KAZN: variants seen among roughly 807,000 people sequenced by gnomAD.
KAZN encodes kazrin, periplakin interacting protein.
In KAZN, 40 loss-of-function variants were observed where a neutral mutation model predicts 87.4. The ratio of observed to expected loss-of-function variants is 0.46; its 90% confidence interval spans 0.36 to 0.60. The LOEUF (loss-of-function observed/expected upper bound fraction) is 0.60. Among genes scored for constraint, KAZN ranks in the 20% least tolerant of loss-of-function variants. The probability of loss-of-function intolerance (pLI) is 0.00; values close to 1 mark genes in which losing one functional copy is unlikely to be tolerated. For synonymous variants in KAZN, 466 were observed against 458.3 expected (o/e 1.02, Z -0.22); for missense variants, 898 against 1,073.9 (o/e 0.84, Z 2.29).
chr1:14,963,329 A>G (rs1343443955), intron 2 of KAZN, among the ~76,000 whole-genome samples: 2 of 152,256 alleles, frequency 1.3e-5, no homozygotes, highest in East Asian at 1.9e-4. Flanking sequence ...GCCAGGAGCT[A>G]GAAACCCCAT....
intron 1 of KAZN, among the ~76,000 whole-genome samples, chr1:14,789,316 T>C (rs1330255722): frequency 1.3e-5 from 2 of 152,146 alleles, no homozygotes; most frequent in Non-Finnish European, 1.5e-5. Flanking sequence ...CACTGTCCAA[T>C]AAAGTCTGTT....
At chr1:14,138,099 GTGTGTGTGTA>G (rs1435610344) in intron 1 of KAZN, among the ~76,000 whole-genome samples, 1 of 151,978 alleles carries the variant, frequency 6.6e-6, no homozygotes, top group African/African-American at 2.4e-5. Flanking sequence ...GTGTGTGTGT[GTGTGTGTGTA>G]TACATATCCT....
chr1:14,177,126 C>T lies in KAZN; in HGVS notation c.92-3309C>T, dbSNP rs182470743. 1.4e-3 allele frequency among the ~76,000 whole-genome samples: 210 copies of T among 152,090 alleles called. 2 individuals carry two copies. The highest frequency in any genetic ancestry group is 4.9e-3 in the African/African-American group (203 of 41,482). ...TGAGCTGAGATCGAGCCACTGCACT[C>T]GAGCCTGGGTGACACAGCGAGACGC... On this transcript the variant is annotated intron_variant, in intron 1 of 16. Transcript: ENST00000636203.
At chr1:14,920,684 C>A (rs1658409991) in intron 1 of KAZN, among the ~76,000 whole-genome samples, 1 of 152,154 alleles carries the variant, frequency 6.6e-6, no homozygotes, top group Non-Finnish European at 1.5e-5. Flanking sequence ...TTCAAGGCAA[C>A]AACAGTGGAG....
chr1:15,078,274 G>A (rs2100618566), intron 8 of KAZN, among the ~76,000 whole-genome samples: 1 of 152,132 alleles, frequency 6.6e-6, no homozygotes, highest in East Asian at 1.9e-4. Context: ...GCATGGTGGT[G>A]CGTGCCTGTA....
intron 2 of KAZN, among the ~76,000 whole-genome samples, chr1:14,541,391 T>C (rs1672801232): frequency 6.6e-6 from 1 of 152,228 alleles, no homozygotes; most frequent in Admixed American, 6.5e-5. Context: ...ATATGTGTTC[T>C]TCCCATTTTT....
intron 2 of KAZN, among the ~76,000 whole-genome samples, chr1:14,333,581 C>T (rs1459342628): frequency 6.6e-6 from 1 of 152,142 alleles, no homozygotes; most frequent in Non-Finnish European, 1.5e-5. Flanking sequence ...GATCCCTGCC[C>T]TGAAGGGGCT....
intron 2 of KAZN, among the ~76,000 whole-genome samples, chr1:14,303,635 A>G (rs1042473762): frequency 3.3e-5 from 5 of 152,220 alleles, no homozygotes; most frequent in African/African-American, 1.2e-4. Context: ...CAGGCTCTCA[A>G]ATGTCCTCCA....
At chr1:15,028,902 C>T (rs1385731602) in intron 2 of KAZN, among the ~76,000 whole-genome samples, 1 of 152,146 alleles carries the variant, frequency 6.6e-6, no homozygotes, top group East Asian at 1.9e-4. Flanking sequence ...TAACAATAAA[C>T]CCCCAAAATA....
At chr1:14,284,244 T>C (rs1487110984) in intron 2 of KAZN, among the ~76,000 whole-genome samples, 4 of 152,168 alleles carry the variant, frequency 2.6e-5, no homozygotes, top group African/African-American at 9.7e-5. Flanking sequence ...ACTAAAAATA[T>C]TGTATATTTT....
At chr1:14,134,387 G>A (rs1570825582) in intron 1 of KAZN, among the ~76,000 whole-genome samples, 1 of 152,182 alleles carries the variant, frequency 6.6e-6, no homozygotes, top group East Asian at 1.9e-4. Flanking sequence ...GTGTGCAATG[G>A]ACAAGGTATT....
At chr1:14,739,532 C>T (rs749245591) in intron 1 of KAZN, among the ~76,000 whole-genome samples, 6 of 152,062 alleles carry the variant, frequency 3.9e-5, no homozygotes, top group Non-Finnish European at 7.3e-5. Context: ...TGTTTCCTCC[C>T]CTTGGCCGGG....
At chr1:14,580,218 G>C (rs2148560863) in intron 2 of KAZN, among the ~76,000 whole-genome samples, 1 of 152,336 alleles carries the variant, frequency 6.6e-6, no homozygotes, top group East Asian at 1.9e-4. Flanking sequence ...GCTCACACCT[G>C]TAATCGCAGC....
intron 2 of KAZN, among the ~76,000 whole-genome samples, chr1:14,524,786 C>T (rs1671777414): frequency 6.6e-6 from 1 of 152,142 alleles, no homozygotes; most frequent in Non-Finnish European, 1.5e-5. Flanking sequence ...CATGTTGATT[C>T]TCATATGTAT....
intron 2 of KAZN, among the ~76,000 whole-genome samples, chr1:14,326,606 G>C (rs141542854): frequency 6.6e-6 from 1 of 151,980 alleles, no homozygotes; most frequent in Non-Finnish European, 1.5e-5. Context: ...AATCCCTCCC[G>C]TCTCACACAA....
chr1:14,681,760 TCCGCCTCCCGCCTCCCGG>T (rs1640672620), intron 1 of KAZN, among the ~76,000 whole-genome samples: 1 of 132,818 alleles, frequency 7.5e-6, no homozygotes, highest in Non-Finnish European at 1.6e-5. Flanking sequence ...CACTGCAAGC[TCCGCCTCCCGCCTCCCGG>T]GAGGCGTTCT....
chr1:14,910,560 G>T (rs538055303), intron 1 of KAZN, among the ~76,000 whole-genome samples: 1 of 152,168 alleles, frequency 6.6e-6, no homozygotes, highest in Non-Finnish European at 1.5e-5. Context: ...TCCTAGGTGT[G>T]GGGGGCAAAA....
At chr1:13,961,255 A>C (rs1197091930) in intron 1 of KAZN, among the ~76,000 whole-genome samples, 1 of 152,156 alleles carries the variant, frequency 6.6e-6, no homozygotes, top group Non-Finnish European at 1.5e-5. Context: ...ATAAACCATA[A>C]ACTGCACTCA....
rs113532493 is a variant in KAZN at position 14,917,492 on chromosome 1, C to T, written c.227-43192C>T. Among the ~76,000 whole-genome samples, 428 of 152,302 alleles carry T rather than the reference C, an allele frequency of 2.8e-3. 4 individuals carry two copies. The highest frequency in any genetic ancestry group is 8.9e-3 in the African/African-American group (371 of 41,564). On this transcript the variant is annotated intron_variant, in intron 1 of 14. Coordinates refer to ENST00000376030, the MANE Select transcript of KAZN (RefSeq NM_201628.3). ...GAAGCCGTGGGCAGGTCACTCTGGC[C>T]TCCTCTGGGAATGTTTCACTAGCCC...
Sources: gnomAD v4.1 joint callset for allele counts (sites outside exome capture counted in the v4.1 genomes callset) on GRCh38, gnomAD v4.1.1 for gene constraint, MANE v1.5 for transcripts, NCBI Gene and HGNC (gene_info 2026-07-23, HGNC 2026-07-21) for gene names.